GALNT14: variants seen among roughly 807,000 people sequenced by gnomAD.
GALNT14 encodes the protein UDP-GalNAc:polypeptide N-acetylgalactosaminyltransferase 14.
In GALNT14, 60 loss-of-function variants were observed where a neutral mutation model predicts 77.5. That is an observed-to-expected ratio of 0.77 (90% CI 0.63 to 0.96). GALNT14 has a LOEUF of 0.96. Among genes scored for constraint, GALNT14 ranks in the 40% least tolerant of loss-of-function variants. The pLI is 0.00. For missense variants in GALNT14, 710 were observed against 731.0 expected (o/e 0.97, Z 0.33); for synonymous variants, 280 against 281.7 (o/e 0.99, Z 0.06).
intron 1 of GALNT14, among the ~76,000 whole-genome samples, chr2:31,059,790 C>A (rs1288140766): frequency 6.6e-6 from 1 of 152,244 alleles, no homozygotes; most frequent in Non-Finnish European, 1.5e-5. Flanking sequence ...CAAGAAGGCT[C>A]TGTGTATGAG....
At position 30,929,390 on chromosome 2, in the gene GALNT14, C is replaced by G; in HGVS notation, c.1151+5G>C. On this transcript the variant is annotated splice_donor_5th_base_variant and intron_variant, in intron 11 of 14. Transcript: ENST00000349752. ...CTGCCCTCCTCAACCTGAAGGGACACTTACTTCCCGAAGGGCCTCTCCAGG... is the reference window on the plus strand; with the variant it reads ...CTGCCCTCCTCAACCTGAAGGGACAGTTACTTCCCGAAGGGCCTCTCCAGG... 1 of 1,612,642 alleles carries G rather than the reference C, an allele frequency of 6.2e-7. No homozygotes were observed. The highest frequency in any genetic ancestry group is 2.2e-5 in the East Asian group (1 of 44,864).
At chr2:31,044,711 A>C (rs1232785970) in intron 1 of GALNT14, among the ~76,000 whole-genome samples, 1 of 151,982 alleles carries the variant, frequency 6.6e-6, no homozygotes, top group Non-Finnish European at 1.5e-5. Flanking sequence ...TGAGTCTAGG[A>C]GTTCAGAACC....
chr2:31,110,181 C>A (rs1472030211), intron 1 of GALNT14, among the ~76,000 whole-genome samples: 1 of 152,178 alleles, frequency 6.6e-6, no homozygotes, highest in Admixed American at 6.5e-5. Flanking sequence ...CGAATAGCCA[C>A]ACCAGATCCT....
intron 1 of GALNT14, among the ~76,000 whole-genome samples, chr2:30,996,839 T>C (rs1670066076): frequency 1.3e-5 from 2 of 152,206 alleles, no homozygotes; most frequent in East Asian, 1.9e-4. Context: ...AGCGCAGTCA[T>C]AGTCTGCTGC....
chr2:31,029,791 A>C (rs776275310), intron 1 of GALNT14, among the ~76,000 whole-genome samples: 5 of 152,208 alleles, frequency 3.3e-5, no homozygotes, highest in African/African-American at 7.2e-5. Flanking sequence ...TTAGAGAGAA[A>C]AGCGGCAACT....
chr2:31,131,368 C>T lies in GALNT14; in HGVS notation c.129+6590G>A, dbSNP rs79390376. Among the ~76,000 whole-genome samples the T allele has an allele frequency of 4.2e-3, 643 of 152,294 alleles. 1 individual carries two copies. The highest frequency in any genetic ancestry group is 7.2e-3 in the Non-Finnish European group (490 of 68,026). On this transcript the variant is annotated intron_variant, in intron 1 of 14. Coordinates refer to ENST00000349752, the MANE Select transcript of GALNT14 (RefSeq NM_024572.4). ...GGTAGAGGGCACGGGCATGTCCAGA[C>T]TCACTTCCCCAAACAGATGGTGAGT... is the stretch of plus-strand genomic sequence containing the variant.
chr2:30,996,464 C>T (rs368134485), intron 1 of GALNT14, among the ~76,000 whole-genome samples: 104 of 152,376 alleles, frequency 6.8e-4, no homozygotes, highest in African/African-American at 2.3e-3. Context: ...CCTAGTGGGT[C>T]ATTGCCTCCC....
chr2:31,121,751 G>A (rs991193086), intron 1 of GALNT14, among the ~76,000 whole-genome samples: 4 of 152,094 alleles, frequency 2.6e-5, no homozygotes, highest in African/African-American at 9.7e-5. Flanking sequence ...CCTAGATGGT[G>A]TTAGTCATGT....
downstream of GALNT14, among the ~76,000 whole-genome samples, chr2:30,910,206 A>G (rs1235820365): frequency 6.6e-6 from 1 of 151,738 alleles, no homozygotes; most frequent in Non-Finnish European, 1.5e-5. Context: ...AACTTAAAGT[A>G]TAATAATAAA....
intron 1 of GALNT14, among the ~76,000 whole-genome samples, chr2:31,009,605 C>A (rs1670893298): frequency 6.6e-6 from 1 of 152,166 alleles, no homozygotes; most frequent in South Asian, 2.1e-4. Context: ...AAAACGCCTA[C>A]TGGACATGCC....
At chr2:31,132,418 A>G (rs1679040355) in intron 1 of GALNT14, among the ~76,000 whole-genome samples, 1 of 152,200 alleles carries the variant, frequency 6.6e-6, no homozygotes, top group Non-Finnish European at 1.5e-5. Flanking sequence ...CCTCTGCAGG[A>G]GCCAGCTGTG....
intron 1 of GALNT14, among the ~76,000 whole-genome samples, chr2:31,007,200 C>T (rs1380099217): frequency 2.0e-5 from 3 of 152,080 alleles, no homozygotes; most frequent in Non-Finnish European, 2.9e-5. Context: ...CAACCAAGGG[C>T]GGGTTTAGTG....
Position 30,910,985 on chromosome 2 carries a change from A to G in GALNT14, c.1575T>C (p.Asp525=). The G allele has an allele frequency of 6.2e-7, 1 of 1,613,960 alleles. No homozygotes were observed. The highest frequency in any genetic ancestry group is 1.1e-5 in the South Asian group (1 of 91,042). Residue 525 remains aspartate, a synonymous_variant, in exon 15 of 15, where the codon GAT becomes GAC. Transcript: ENST00000349752. The part of the protein sequence containing the change: ...HLCLDTDMFG[D]GTENGKEIVV... ...CGATTTCCTTGCCGTTCTCGGTGCC[A>G]TCACCGAACATATCTGTATCGAGGC...
chr2:30,946,060 A>G (rs1246395469), intron 6 of GALNT14, among the ~76,000 whole-genome samples, 190 bp from the exon 7 acceptor site: 2 of 152,116 alleles, frequency 1.3e-5, no homozygotes, highest in African/African-American at 2.4e-5. Context: ...TCCAGTTCTG[A>G]TGCCTAAAAT....
intron 1 of GALNT14, chr2:31,132,736 G>A (rs1029190749): frequency 8.5e-5 from 40 of 470,868 alleles, no homozygotes; most frequent in Admixed American, 4.9e-4. Context: ...GAAAACAGCC[G>A]TTTGCCAAAA....
intron 1 of GALNT14, among the ~76,000 whole-genome samples, chr2:31,033,694 A>C (rs1405402637): frequency 6.6e-6 from 1 of 152,042 alleles, no homozygotes; most frequent in Admixed American, 6.5e-5. Flanking sequence ...TGACTTCTCC[A>C]GCGAGTGAGT....
At chr2:31,003,317 GCAC>G (rs1390532010) in intron 1 of GALNT14, among the ~76,000 whole-genome samples, 1 of 151,982 alleles carries the variant, frequency 6.6e-6, no homozygotes, top group Non-Finnish European at 1.5e-5. Flanking sequence ...GCAATTTCTC[GCAC>G]CAAATGAGGT....
chr2:31,006,023 G>A (rs1371596193), intron 1 of GALNT14, among the ~76,000 whole-genome samples: 2 of 152,220 alleles, frequency 1.3e-5, no homozygotes, highest in Middle Eastern at 3.4e-3. Flanking sequence ...CCCATACTCC[G>A]AGGAACCTGG....
intron 1 of GALNT14, among the ~76,000 whole-genome samples, chr2:31,004,120 G>A (rs777188023): frequency 4.6e-5 from 7 of 152,220 alleles, no homozygotes; most frequent in Non-Finnish European, 7.3e-5. Context: ...CTACCCACAC[G>A]CTTTATTTCT....
Sources: allele counts gnomAD v4.1 joint callset (sites outside exome capture counted in the v4.1 genomes callset), GRCh38; gene constraint gnomAD v4.1.1; transcripts MANE v1.5; gene names NCBI Gene and HGNC (gene_info 2026-07-23, HGNC 2026-07-21).